Variants in CLTC observed in about 807,000 individuals in gnomAD.
CLTC encodes clathrin heavy chain.
CLTC carries 16 observed loss-of-function variants against 195.8 expected under a neutral mutation model. The observed-to-expected ratio is 0.08, with a 90% CI of 0.06 to 0.12. The LOEUF (loss-of-function observed/expected upper bound fraction) is 0.12. Among genes scored for constraint, CLTC ranks in the 10% least tolerant of loss-of-function variants. The pLI, the probability that CLTC is intolerant of heterozygous loss-of-function variation, is 1.00. For missense variants in CLTC, 796 were observed against 2,027.0 expected (o/e 0.39, Z 11.66); for synonymous variants, 667 against 689.4 (o/e 0.97, Z 0.51).
At chr17:59,660,242 T>A in intron 6 of CLTC, 149 bp from the exon 7 acceptor site, 1 of 697,028 alleles carries the variant, frequency 1.4e-6, no homozygotes, top group Non-Finnish European at 2.4e-6. Flanking sequence ...TTGTCTTCCT[T>A]CCTTTCATTA....
At chr17:59,629,445 T>C (rs760381241) in intron 1 of CLTC, among the ~76,000 whole-genome samples, 1 of 152,094 alleles carries the variant, frequency 6.6e-6, no homozygotes, top group East Asian at 1.9e-4. Flanking sequence ...GTTGGAACTG[T>C]TGGATGTTAT....
chr17:59,680,213 A>C lies in CLTC; in HGVS notation c.2919+694A>C, dbSNP rs147907062. 6.3e-4 allele frequency among the ~76,000 whole-genome samples: 96 copies of C among 152,294 alleles called. No individual in the cohort carries two copies. The East Asian group carries it at 0.017, about 28-fold the overall frequency. On this transcript the variant is annotated intron_variant, in intron 18 of 31. Transcript: ENST00000269122. Reference sequence around the variant, plus strand: ...CTAAATTGATTGGAAACTTCAAGATAATAAGTCAGAAAAATATAAGGATAA... The same window carrying C: ...CTAAATTGATTGGAAACTTCAAGATCATAAGTCAGAAAAATATAAGGATAA...
At chr17:59,621,716 CTT>C (rs1278620228) in intron 1 of CLTC, among the ~76,000 whole-genome samples, 3 of 152,116 alleles carry the variant, frequency 2.0e-5, no homozygotes, top group Admixed American at 6.5e-5. Flanking sequence ...AATAAAAACA[CTT>C]TTACAGAGGG....
intron 2 of CLTC, among the ~76,000 whole-genome samples, chr17:59,646,714 A>T (rs1180722113): frequency 6.6e-6 from 1 of 152,174 alleles, no homozygotes; most frequent in Non-Finnish European, 1.5e-5. Flanking sequence ...TTTTAACTAA[A>T]TGCTTGCTTT....
chr17:59,630,904 C>G (rs2031692987), intron 1 of CLTC, among the ~76,000 whole-genome samples: 2 of 152,166 alleles, frequency 1.3e-5, no homozygotes, highest in African/African-American at 4.8e-5. Context: ...GTCAGTTCTT[C>G]TAGATATATA....
chr17:59,690,760 T>G (rs1172730816), intron 31 of CLTC, 49 bp downstream of exon 31: 1 of 1,382,676 alleles, frequency 7.2e-7, no homozygotes. Context: ...AATATTTAAT[T>G]ACTTAGAGAC....
chr17:59,683,846 A>G lies in CLTC; in HGVS notation c.4324-29A>G, dbSNP rs552824677. On this transcript the variant is annotated intron_variant, in intron 27 of 31. Transcript: ENST00000269122. This position sits in a 1 kb window ranked among gnomAD's most constrained non-coding sequence, Gnocchi z 6.1. ...GTCCCTGGGACTTCAATAATGTGCT[A>G]TATTTGTAACAAACTCTTTATTTTA... The G allele has an allele frequency of 4.3e-6, 7 of 1,610,266 alleles. No homozygotes were observed. The South Asian group carries it at 5.5e-5, about 13-fold the overall frequency.
intron 6 of CLTC, among the ~76,000 whole-genome samples, chr17:59,656,422 C>G (rs550140571): frequency 6.6e-6 from 1 of 152,090 alleles, no homozygotes; most frequent in South Asian, 2.1e-4. Flanking sequence ...TTTCTGTTAT[C>G]TCCAAGGCAG....
chr17:59,689,731 C>T (rs2033257472), intron 30 of CLTC: 1 of 152,150 alleles, frequency 6.6e-6, no homozygotes, highest in African/African-American at 2.4e-5. Context: ...AATGTCACTT[C>T]TGTCTAATTC....
At chr17:59,626,404 A>G (rs968266873) in intron 1 of CLTC, among the ~76,000 whole-genome samples, 1 of 152,194 alleles carries the variant, frequency 6.6e-6, no homozygotes, top group Admixed American at 6.5e-5. Context: ...ATTGTGTGCC[A>G]CTGGTACATT....
In CLTC at chr17:59,681,339, G is replaced by A. The variant is rs758267600; in HGVS notation, c.3110G>A (p.Arg1037His). The A allele has an allele frequency of 8.1e-6, 13 of 1,613,890 alleles. No homozygotes were observed. Among genetic ancestry groups the A allele is most frequent in the Non-Finnish European group, 1.1e-5 (13 of 1,179,928 alleles). The change falls in exon 20 of 32, where the codon CGT becomes CAT. Residue 1037 changes from arginine to histidine, a missense_variant. Around this residue, in one of 9 missense-constraint regions of CLTC, gnomAD observed 160 missense variants for 448.2 expected, o/e 0.36. Transcript: ENST00000269122. This position sits in a 1 kb window ranked among gnomAD's most constrained non-coding sequence, Gnocchi z 5.0. The stretch of plus-strand genomic sequence containing the variant: ...ATCCTCACTGCAATTAAGGCTGACC[G>A]TACACGTGTTATGGAGTATATTAAC... ...LLILTAIKAD[R>H]TRVMEYINRL...
intron 14 of CLTC, 149 bp from the exon 15 acceptor site, chr17:59,673,498 A>G: frequency 1.7e-6 from 1 of 595,104 alleles, no homozygotes. Flanking sequence ...GGATGTACAC[A>G]CTCAACTATT....
chr17:59,675,170 A>G (rs2032938125), intron 16 of CLTC, among the ~76,000 whole-genome samples: 1 of 152,176 alleles, frequency 6.6e-6, no homozygotes, highest in Non-Finnish European at 1.5e-5. Context: ...TGTATTTAAC[A>G]ACTAATTCTG....
chr17:59,654,625 G>A (rs758842208), intron 5 of CLTC, among the ~76,000 whole-genome samples: 8 of 152,256 alleles, frequency 5.3e-5, no homozygotes, highest in Non-Finnish European at 1.2e-4. Context: ...GACTACAGGT[G>A]CACACTGCCA....
At position 59,661,695 on chromosome 17, in the gene CLTC, A is replaced by G. The variant is rs775192828; in HGVS notation, c.1368+52A>G. ...TTGCTTTGGTTGCATTAAATATGAT[A>G]TTGGCAAGTTAAAATCATTTAGGCT... On this transcript the variant is annotated intron_variant, in intron 8 of 31. Transcript: ENST00000269122. 3.3e-6 allele frequency: 5 copies of G among 1,513,568 alleles called. No homozygotes were observed. The South Asian group carries it at 4.5e-5, about 14-fold the overall frequency. 93.8% of individuals were successfully genotyped at this position (1,513,568 alleles called of 1,614,324 possible). A position where few individuals can be genotyped will look rare whatever the true frequency, so the allele number is the denominator to read the frequency against.
intron 1 of CLTC, among the ~76,000 whole-genome samples, chr17:59,622,481 C>T (rs1256860934): frequency 6.6e-6 from 1 of 152,016 alleles, no homozygotes; most frequent in Admixed American, 6.5e-5. Flanking sequence ...GGGCTCAAGC[C>T]ATCCTCCCAC....
intron 1 of CLTC, among the ~76,000 whole-genome samples, chr17:59,633,293 C>T (rs2031773537): frequency 6.6e-6 from 1 of 152,130 alleles, no homozygotes; most frequent in Admixed American, 6.5e-5. Context: ...GAGTTTGAGA[C>T]CAGCCTGGCC....
rs1016679008 is a variant in CLTC, at chr17:59,648,641, T to A, written c.681+240T>A. On this transcript the variant is annotated intron_variant, in intron 4 of 31. Coordinates refer to ENST00000269122, the MANE Select transcript of CLTC (RefSeq NM_004859.4). This position sits in a 1 kb window ranked among gnomAD's most constrained non-coding sequence, Gnocchi z 4.5. Reference sequence around the variant, plus strand: ...CTTTGATTGCTAAAGTGCACATTTATATGCTGTACATCTAGAGAGTTTGAT... The same window carrying A: ...CTTTGATTGCTAAAGTGCACATTTAAATGCTGTACATCTAGAGAGTTTGAT... The A allele has an allele frequency of 2.2e-6, 1 of 449,380 alleles. No individual in the cohort carries two copies. The highest frequency in any genetic ancestry group is 3.6e-5 in the Admixed American group (1 of 27,460). The allele number at this position is 449,380 out of a possible 1,614,324, so 27.8% of individuals were successfully genotyped here.
intron 15 of CLTC, 69 bp downstream of exon 15, chr17:59,673,841 C>T: frequency 2.4e-6 from 2 of 832,788 alleles, no homozygotes; most frequent in Non-Finnish European, 3.9e-6. Context: ...TTCTGGAAAT[C>T]CTTTTGAAAC....
Sources: allele counts gnomAD v4.1 joint callset (sites outside exome capture counted in the v4.1 genomes callset), GRCh38; gene constraint gnomAD v4.1.1; regional missense constraint gnomAD v4.1.1; non-coding constraint Gnocchi (gnomAD v3.1); transcripts MANE v1.5; gene names NCBI Gene and HGNC (gene_info 2026-07-23, HGNC 2026-07-21).